CTNNA3: variants seen among roughly 807,000 people sequenced by gnomAD.
The protein encoded by CTNNA3 is catenin alpha 3, also known as catenin alpha-3.
CTNNA3 carries 76 observed loss-of-function variants against 95.7 expected under a neutral mutation model. That is an observed-to-expected ratio of 0.79 (90% CI 0.66 to 0.96). The LOEUF (loss-of-function observed/expected upper bound fraction) is 0.96, where lower values mean the gene tolerates loss of function less well. Ranked by LOEUF, CTNNA3 falls within the 40% of genes least tolerant of loss-of-function variation. The pLI, the probability that CTNNA3 is intolerant of heterozygous loss-of-function variation, is 0.00. For missense variants in CTNNA3, 1,191 were observed against 1,089.8 expected (o/e 1.09, Z -1.31); for synonymous variants, 431 against 374.4 (o/e 1.15, Z -1.74).
At chr10:67,688,178 C>T (rs548855357) in intron 1 of CTNNA3, among the ~76,000 whole-genome samples, 2 of 152,260 alleles carry the variant, frequency 1.3e-5, no homozygotes, top group East Asian at 1.9e-4. Flanking sequence ...CCAGATCTGC[C>T]TTGATCTGCT....
At chr10:66,103,788 T>A (rs781608951) in intron 13 of CTNNA3, among the ~76,000 whole-genome samples, 4 of 152,206 alleles carry the variant, frequency 2.6e-5, no homozygotes, top group Admixed American at 6.5e-5. Context: ...AACAATGTTC[T>A]GCAGTTAGAT....
intron 9 of CTNNA3, among the ~76,000 whole-genome samples, chr10:66,692,165 G>A (rs570310176): frequency 7.2e-5 from 11 of 152,094 alleles, no homozygotes; most frequent in East Asian, 5.8e-4. Flanking sequence ...AAACTACTCC[G>A]AGCTACAGGA....
At chr10:66,116,838 G>A (rs10996912) in intron 13 of CTNNA3, among the ~76,000 whole-genome samples, 22,995 of 152,054 alleles carry the variant, frequency 0.15, 2,144 homozygotes, top group Middle Eastern at 0.22. Flanking sequence ...CAGAGCCAAG[G>A]GGGAAGCGCT....
chr10:67,051,173 C>A (rs1438444240), intron 7 of CTNNA3, among the ~76,000 whole-genome samples: 1 of 152,208 alleles, frequency 6.6e-6, no homozygotes, highest in Non-Finnish European at 1.5e-5. Flanking sequence ...AATGAGATCT[C>A]ATTACCTGGG....
intron 11 of CTNNA3, among the ~76,000 whole-genome samples, chr10:66,424,190 C>T (rs2093220129): frequency 6.6e-6 from 1 of 151,726 alleles, no homozygotes; most frequent in Admixed American, 6.6e-5. Flanking sequence ...TAAATATTCC[C>T]TGTATTAAAA....
In CTNNA3 at chr10:66,792,786, T is replaced by C. The variant is rs548524068; in HGVS notation, c.1048-17262A>G. Among the ~76,000 whole-genome samples, 25 of 152,296 alleles carry C rather than the reference T, an allele frequency of 1.6e-4. No individual in the cohort carries two copies. The South Asian group carries it at 2.1e-3, about 13-fold the overall frequency. On this transcript the variant is annotated intron_variant, in intron 7 of 17. Transcript: ENST00000433211. ...GAGATGATATTATCAGGAGTAATTATAGTATTCTAAAACAAACTTCTAAAG... is the reference window on the plus strand; with the variant it reads ...GAGATGATATTATCAGGAGTAATTACAGTATTCTAAAACAAACTTCTAAAG...
Position 66,094,521 on chromosome 10 carries a change from G to A in CTNNA3, c.1977+8636C>T, listed in dbSNP as rs183069053. 5.2e-3 allele frequency among the ~76,000 whole-genome samples: 796 copies of A among 152,214 alleles called. 22 individuals are homozygous for A. The highest frequency in any genetic ancestry group is 0.045 in the Admixed American group (690 of 15,258). Reference sequence around the variant, plus strand: ...ACATGCTGCAGAAATCTAGGTGAGAGGTGCCGGTGCCTAAACTAAAGGAGG... The same window carrying A: ...ACATGCTGCAGAAATCTAGGTGAGAAGTGCCGGTGCCTAAACTAAAGGAGG... On this transcript the variant is annotated intron_variant, in intron 14 of 17. Transcript: ENST00000433211.
chr10:65,970,728 T>G (rs1262075612), intron 16 of CTNNA3, among the ~76,000 whole-genome samples: 5 of 148,242 alleles, frequency 3.4e-5, no homozygotes, highest in South Asian at 4.2e-4. Context: ...AAATATAATA[T>G]ATAATAGATA....
At position 66,587,828 on chromosome 10, in the gene CTNNA3, G is replaced by T. The variant is rs536006937; in HGVS notation, c.1374+33864C>A. On this transcript the variant is annotated intron_variant, in intron 10 of 17. Coordinates refer to ENST00000433211, the MANE Select transcript of CTNNA3 (RefSeq NM_013266.4). The stretch of plus-strand genomic sequence containing the variant: ...CCATAAGCCGTCCCAGTGGAGACCA[G>T]TGAAACCACAGCTTTCAGGCCGCAC... 3.3e-5 allele frequency among the ~76,000 whole-genome samples: 5 copies of T among 152,294 alleles called. No homozygotes were observed. The South Asian group carries it at 6.2e-4, about 19-fold the overall frequency.
At chr10:67,387,216 C>T (rs571697268) in intron 5 of CTNNA3, among the ~76,000 whole-genome samples, 4 of 152,218 alleles carry the variant, frequency 2.6e-5, no homozygotes, top group Non-Finnish European at 5.9e-5. Context: ...GTGCACCAGC[C>T]GAAGCAGGGT....
intron 9 of CTNNA3, among the ~76,000 whole-genome samples, chr10:66,676,690 T>C (rs1448523670): frequency 2.0e-5 from 3 of 152,146 alleles, no homozygotes; most frequent in Non-Finnish European, 4.4e-5. Flanking sequence ...ATTTTCCATG[T>C]ACTACCACCA....
intron 6 of CTNNA3, among the ~76,000 whole-genome samples, chr10:67,190,770 T>A (rs762950287): frequency 1.3e-5 from 2 of 151,988 alleles, no homozygotes; most frequent in African/African-American, 4.8e-5. Context: ...CTAATATATG[T>A]CTTTTAAAAA....
intron 12 of CTNNA3, among the ~76,000 whole-genome samples, chr10:66,333,920 T>G (rs527381237): frequency 1.3e-5 from 2 of 152,100 alleles, no homozygotes; most frequent in East Asian, 3.9e-4. Flanking sequence ...CTCCTGTATG[T>G]GGTGTATATA....
At chr10:66,158,526 T>C (rs2084672785) in intron 13 of CTNNA3, among the ~76,000 whole-genome samples, 2 of 152,164 alleles carry the variant, frequency 1.3e-5, no homozygotes, top group Non-Finnish European at 2.9e-5. Context: ...TTTGTACTAG[T>C]ACCATGCTGT....
chr10:67,101,069 C>T (rs1003521804), intron 7 of CTNNA3, among the ~76,000 whole-genome samples: 3 of 151,690 alleles, frequency 2.0e-5, no homozygotes, highest in Non-Finnish European at 4.4e-5. Flanking sequence ...ACTCTGGGCT[C>T]TCACATTAAA....
At chr10:67,576,814 T>C (rs1842172905) in intron 3 of CTNNA3, among the ~76,000 whole-genome samples, 1 of 110,004 alleles carries the variant, frequency 9.1e-6, no homozygotes, top group Non-Finnish European at 1.6e-5. Flanking sequence ...GTTTGGTTTT[T>C]TGTCCTTGCA....
intron 7 of CTNNA3, among the ~76,000 whole-genome samples, chr10:67,023,226 G>A (rs1853141528): frequency 6.6e-6 from 1 of 152,122 alleles, no homozygotes; most frequent in South Asian, 2.1e-4. Flanking sequence ...ATAGTATCAA[G>A]ATCAATTCTC....
intron 7 of CTNNA3, among the ~76,000 whole-genome samples, chr10:66,823,748 T>C (rs113519197): frequency 7.2e-5 from 11 of 152,324 alleles, no homozygotes; most frequent in African/African-American, 2.2e-4. Flanking sequence ...GATTCTCAAA[T>C]TGAATTTAGG....
chr10:66,772,839 G>C (rs944620723), intron 8 of CTNNA3, among the ~76,000 whole-genome samples: 1 of 152,134 alleles, frequency 6.6e-6, no homozygotes, highest in Non-Finnish European at 1.5e-5. Flanking sequence ...AGGGGATAAG[G>C]ATGAATGGGC....
Sources: allele counts gnomAD v4.1 joint callset (sites outside exome capture counted in the v4.1 genomes callset), GRCh38; gene constraint gnomAD v4.1.1; transcripts MANE v1.5; gene names NCBI Gene and HGNC (gene_info 2026-07-23, HGNC 2026-07-21).